TXNDC11: variants seen among roughly 807,000 people sequenced by gnomAD.
The protein encoded by TXNDC11 is thioredoxin domain containing 11, also known as thioredoxin domain-containing protein 11.
Under a neutral mutation model 78.0 loss-of-function variants are expected in TXNDC11, and 68 were observed. The observed-to-expected ratio is 0.87, with a 90% CI of 0.72 to 1.07. The LOEUF (loss-of-function observed/expected upper bound fraction) is 1.07, where lower values mean the gene tolerates loss of function less well. Ranked by LOEUF, TXNDC11 falls within the 50% of genes least tolerant of loss-of-function variation. TXNDC11 has a pLI of 0.00. For missense variants in TXNDC11, 1,389 were observed against 1,221.8 expected (o/e 1.14, Z -2.04); for synonymous variants, 571 against 495.2 (o/e 1.15, Z -2.03).
chr16:11,713,047 C>G (rs1380711012), intron 5 of TXNDC11, among the ~76,000 whole-genome samples: 1 of 143,598 alleles, frequency 7.0e-6, no homozygotes, highest in Non-Finnish European at 1.5e-5. Flanking sequence ...GCGGAGGTTG[C>G]GGTGAGTCAA....
At chr16:11,703,356 T>C (rs528231411) in intron 5 of TXNDC11, among the ~76,000 whole-genome samples, 14 of 152,334 alleles carry the variant, frequency 9.2e-5, no homozygotes, top group African/African-American at 3.4e-4. Context: ...TATGAACTTA[T>C]TTACTTCTTT....
At chr16:11,681,938 C>CA (rs1275438674) in intron 11 of TXNDC11, among the ~76,000 whole-genome samples, 1 of 152,162 alleles carries the variant, frequency 6.6e-6, no homozygotes, top group Non-Finnish European at 1.5e-5. Context: ...TAAAAACATA[C>CA]AAGCAGCACC....
intron 1 of TXNDC11, among the ~76,000 whole-genome samples, chr16:11,741,402 T>G (rs1435261774): frequency 6.6e-6 from 1 of 152,184 alleles, no homozygotes; most frequent in African/African-American, 2.4e-5. Flanking sequence ...ACATGAACTT[T>G]CATGTTCCTA....
At chr16:11,685,627 C>T (rs1323049301) in intron 10 of TXNDC11, among the ~76,000 whole-genome samples, 11 of 150,162 alleles carry the variant, frequency 7.3e-5, no homozygotes, top group Non-Finnish European at 4.4e-5. Flanking sequence ...CCAGCCTGGG[C>T]AACAGAGCAA....
chr16:11,697,223 C>G (rs1349464438), intron 7 of TXNDC11, among the ~76,000 whole-genome samples: 1 of 152,188 alleles, frequency 6.6e-6, no homozygotes, highest in Non-Finnish European at 1.5e-5. Context: ...AAGACTCCAG[C>G]ACAGCAAAGG....
Position 11,731,086 on chromosome 16 carries a change from CT to C in TXNDC11, c.570-313del, listed in dbSNP as rs1471069660. ...AAAAAAATTAATTCCCACAGTAGTT[CT>C]TTTAAAAACAAAACAGAGAGACAAC... On this transcript the variant is annotated intron_variant, in intron 3 of 11. Coordinates refer to ENST00000283033, the MANE Select transcript of TXNDC11 (RefSeq NM_015914.7). Among the ~76,000 whole-genome samples, 9 of 152,252 alleles carry C rather than the reference CT, an allele frequency of 5.9e-5. No homozygotes were observed. In the East Asian group the frequency reaches 9.6e-4, roughly 16 times the overall value.
chr16:11,713,415 ATT>A (rs1181189256), intron 5 of TXNDC11, among the ~76,000 whole-genome samples: 1 of 151,778 alleles, frequency 6.6e-6, no homozygotes, highest in African/African-American at 2.4e-5. Context: ...AAAGTATGGA[ATT>A]TTTTTTCCTT....
intron 4 of TXNDC11, among the ~76,000 whole-genome samples, chr16:11,724,438 C>A (rs1173757539): frequency 6.6e-6 from 1 of 152,110 alleles, no homozygotes; most frequent in Non-Finnish European, 1.5e-5. Context: ...CAGTCCTATT[C>A]CCTTTCCAAT....
chr16:11,679,739 T>C lies in TXNDC11; in HGVS notation c.2333A>G (p.Gln778Arg). ...CTTGGTAGGAGAGTTAGCCACATTC[T>C]GGGGGCTGGAAGCAGGGTCTGAGTG... The part of the protein sequence containing the change: ...LHHSDPASSP[Q>R]NVANSPTKEC... Residue 778 changes from glutamine to arginine, a missense_variant, in exon 12 of 12, where the codon CAG (glutamine) becomes CGG (arginine). Coordinates refer to ENST00000283033, the MANE Select transcript of TXNDC11 (RefSeq NM_015914.7). This position sits in a 1 kb window ranked among gnomAD's most constrained non-coding sequence, Gnocchi z 4.6. 6.2e-7 allele frequency: 1 copy of C among 1,614,176 alleles called. No individual in the cohort carries two copies. The highest frequency in any genetic ancestry group is 8.5e-7 in the Non-Finnish European group (1 of 1,180,032).
At chr16:11,730,599 C>T (rs758609315) in intron 4 of TXNDC11, 46 bp downstream of exon 4, 8 of 1,592,662 alleles carry the variant, frequency 5.0e-6, no homozygotes, top group Non-Finnish European at 6.9e-6. Context: ...AATACAACCC[C>T]GTGAAAGGCC....
At chr16:11,684,302 A>C in intron 10 of TXNDC11, 57 bp from the exon 11 acceptor site, 1 of 1,317,608 alleles carries the variant, frequency 7.6e-7, no homozygotes, top group Non-Finnish European at 1.1e-6. Context: ...CACCAACTTG[A>C]AAGAACCTTC....
chr16:11,682,950 C>T (rs756090545), intron 11 of TXNDC11, among the ~76,000 whole-genome samples: 2 of 152,214 alleles, frequency 1.3e-5, no homozygotes, highest in African/African-American at 2.4e-5. Context: ...CAAGCTGAAT[C>T]GCAAAAGGGA....
chr16:11,733,674 C>T (rs543320632), intron 3 of TXNDC11, among the ~76,000 whole-genome samples: 4 of 152,288 alleles, frequency 2.6e-5, no homozygotes, highest in African/African-American at 7.2e-5. Flanking sequence ...AACACTCTTA[C>T]GATATCTGAA....
intron 7 of TXNDC11, among the ~76,000 whole-genome samples, chr16:11,697,716 G>C (rs529593419): frequency 6.6e-6 from 1 of 152,198 alleles, no homozygotes. Flanking sequence ...CTGGCAGTCT[G>C]GCCAAACCCC....
chr16:11,693,852 G>T (rs1056328812), intron 7 of TXNDC11, among the ~76,000 whole-genome samples: 1 of 152,110 alleles, frequency 6.6e-6, no homozygotes, highest in Admixed American at 6.6e-5. Flanking sequence ...TCCTGGTACT[G>T]TTTTAGATTC....
chr16:11,717,278 T>G (rs2141075986), intron 5 of TXNDC11, among the ~76,000 whole-genome samples: 1 of 150,800 alleles, frequency 6.6e-6, no homozygotes, highest in African/African-American at 2.4e-5. Flanking sequence ...GTACAAAAAT[T>G]AGGCGGGCGT....
At chr16:11,713,507 C>T (rs2051429957) in intron 5 of TXNDC11, among the ~76,000 whole-genome samples, 1 of 151,960 alleles carries the variant, frequency 6.6e-6, no homozygotes, top group Admixed American at 6.6e-5. Context: ...ACCTCCACCT[C>T]CCAGGTTCAA....
intron 5 of TXNDC11, among the ~76,000 whole-genome samples, chr16:11,706,381 C>G (rs894227056): frequency 6.6e-6 from 1 of 152,196 alleles, no homozygotes; most frequent in African/African-American, 2.4e-5. Context: ...GGTGCTGAGC[C>G]CTGGGCCCTG....
At chr16:11,688,575 A>G (rs1184279305) in intron 8 of TXNDC11, 130 bp from the exon 9 acceptor site, 2 of 789,042 alleles carry the variant, frequency 2.5e-6, no homozygotes, top group African/African-American at 1.7e-5. Flanking sequence ...TTCACCTATC[A>G]GCAAAACCCC....
Sources: allele counts gnomAD v4.1 joint callset (sites outside exome capture counted in the v4.1 genomes callset), GRCh38; gene constraint gnomAD v4.1.1; non-coding constraint Gnocchi (gnomAD v3.1); transcripts MANE v1.5; gene names NCBI Gene and HGNC (gene_info 2026-07-23, HGNC 2026-07-21).